Variants in MAPT observed in about 807,000 individuals in gnomAD.
MAPT encodes the protein microtubule associated protein tau, also known as microtubule-associated protein tau.
MAPT carries 34 observed loss-of-function variants against 67.9 expected under a neutral mutation model. The ratio of observed to expected loss-of-function variants is 0.50; its 90% confidence interval spans 0.38 to 0.67. The LOEUF (loss-of-function observed/expected upper bound fraction) is 0.67. Among genes scored for constraint, MAPT ranks in the 30% least tolerant of loss-of-function variants. MAPT has a pLI of 0.00. For missense variants in MAPT, 881 were observed against 1,115.2 expected (o/e 0.79, Z 2.99); for synonymous variants, 456 against 464.5 (o/e 0.98, Z 0.23).
chr17:45,949,222 C>A (rs989093851), intron 1 of MAPT, among the ~76,000 whole-genome samples: 3 of 152,350 alleles, frequency 2.0e-5, no homozygotes, highest in Admixed American at 2.0e-4. Context: ...GCGGCGGAGC[C>A]CGGGACCTTC....
chr17:45,948,211 A>G (rs985997201), intron 1 of MAPT, among the ~76,000 whole-genome samples: 2 of 151,956 alleles, frequency 1.3e-5, no homozygotes, highest in African/African-American at 4.8e-5. Context: ...TCTCAATGTT[A>G]GCCAGGCTGG....
In MAPT at chr17:45,896,978, C is replaced by T. The variant is rs1237980451; in HGVS notation, c.-18+2292C>T. The T allele has an allele frequency of 8.9e-6, 1 of 112,700 alleles. No homozygotes were observed. Among genetic ancestry groups the T allele is most frequent in the African/African-American group, 2.6e-5 (1 of 37,932 alleles). The allele number at this position is 112,700 out of a possible 1,614,324, so 7.0% of individuals were successfully genotyped here. On this transcript the variant is annotated intron_variant, in intron 1 of 12. Coordinates refer to ENST00000262410, the MANE Select transcript of MAPT (RefSeq NM_001377265.1). The surrounding 1 kb of genome is among the most constrained non-coding windows in gnomAD (Gnocchi z 5.6). ...TAGGAGCTGAATCCTCCACGCGGGT[C>T]GCCCAGGTTGATCTGAATTTCTGGG...
chr17:45,929,022 A>G (rs907050021), intron 1 of MAPT, among the ~76,000 whole-genome samples: 14 of 151,874 alleles, frequency 9.2e-5, no homozygotes, highest in African/African-American at 3.4e-4. Flanking sequence ...TTTTTAAAGC[A>G]CTGCAGAGAA....
At chr17:46,003,609 C>A (rs1215226391) in intron 9 of MAPT, among the ~76,000 whole-genome samples, 2 of 152,134 alleles carry the variant, frequency 1.3e-5, no homozygotes, top group Non-Finnish European at 2.9e-5. Flanking sequence ...ATAGCAAAGC[C>A]CCAGTTGTCA....
intron 1 of MAPT, among the ~76,000 whole-genome samples, chr17:45,956,401 C>A (rs1390642565): frequency 6.6e-6 from 1 of 152,002 alleles, no homozygotes; most frequent in African/African-American, 2.4e-5. Flanking sequence ...CCTTCAGAGG[C>A]TCTCTCCAAA....
At position 45,983,693 on chromosome 17, in the gene MAPT, GC is replaced by G. The variant is rs759382421; in HGVS notation, c.1120del (p.Leu374TrpfsTer106). ...TGTAGGGCGGGCCAAAGGGCAGGAT[GC>G]CCCCCTGGAGTTCACGTTTCACGTG... Reference protein sequence around the residue: ...PSVGRAKGQDAPLEFTFHVEI... With the variant: ...PSVGRAKGQDXPLEFTFHVEI... On this transcript the variant is annotated frameshift_variant, in exon 5 of 13. Transcript: ENST00000262410. LOFTEE classifies it high-confidence loss of function. The G allele has an allele frequency of 1.8e-5, 29 of 1,613,962 alleles. No homozygotes were observed. Among genetic ancestry groups the G allele is most frequent in the East Asian group, 1.3e-4 (6 of 44,862 alleles).
intron 11 of MAPT, among the ~76,000 whole-genome samples, chr17:46,017,772 A>G (rs1416217017): frequency 6.8e-6 from 1 of 147,512 alleles, no homozygotes; most frequent in Non-Finnish European, 1.5e-5. Context: ...AAGGGTTCTT[A>G]TTTAGTGTGC....
At position 45,941,691 on chromosome 17, in the gene MAPT, CTTCCTTCCTGCCTG is replaced by C. The variant is rs1568207702; in HGVS notation, c.-17-20629_-17-20616del. ...CCTTCCCCCCTTCCCTCCTTCCTTC[CTTCCTTCCTGCCTG>C]CCTTCCTTCCTTCCTTCCTTCCTTC... On this transcript the variant is annotated intron_variant, in intron 1 of 12. Coordinates refer to ENST00000262410, the MANE Select transcript of MAPT (RefSeq NM_001377265.1). Among the ~76,000 whole-genome samples the C allele has an allele frequency of 3.8e-4, 29 of 75,906 alleles. 2 individuals carry two copies. Among genetic ancestry groups the C allele is most frequent in the African/African-American group, 1.6e-3 (25 of 15,482 alleles). 49.8% of individuals were successfully genotyped at this position (75,906 alleles called of 152,430 possible).
chr17:45,988,090 A>C (rs1305809850), intron 6 of MAPT, among the ~76,000 whole-genome samples: 2 of 152,162 alleles, frequency 1.3e-5, no homozygotes, highest in African/African-American at 2.4e-5. Flanking sequence ...GGCCGTGTGC[A>C]GCGAGGGAAG....
intron 1 of MAPT, among the ~76,000 whole-genome samples, chr17:45,944,466 CTG>C (rs2068278814): frequency 6.6e-6 from 1 of 152,214 alleles, no homozygotes; most frequent in African/African-American, 2.4e-5. Flanking sequence ...AGTGGCCTCT[CTG>C]TGTACCCGTG....
intron 1 of MAPT, among the ~76,000 whole-genome samples, chr17:45,948,382 A>G (rs1164305935): frequency 6.6e-6 from 1 of 152,210 alleles, no homozygotes; most frequent in Non-Finnish European, 1.5e-5. Flanking sequence ...TGTGGGCTCC[A>G]GCCTTCACCT....
intron 1 of MAPT, chr17:45,907,891 A>C (rs2064439101): frequency 6.6e-6 from 1 of 152,222 alleles, no homozygotes; most frequent in Non-Finnish European, 1.5e-5. Flanking sequence ...CAGAGATTTC[A>C]CAGCTGGGGA....
intron 4 of MAPT, 21 bp from the exon 5 acceptor site, chr17:45,982,845 A>G (rs568729531): frequency 1.6e-6 from 2 of 1,250,170 alleles, no homozygotes; most frequent in South Asian, 2.7e-5. Flanking sequence ...ACCTTTTGCT[A>G]TCGCTGCCTC....
chr17:45,985,363 A>G (rs1403501388), intron 5 of MAPT, among the ~76,000 whole-genome samples: 1 of 152,194 alleles, frequency 6.6e-6, no homozygotes, highest in African/African-American at 2.4e-5. Flanking sequence ...ATCCTTTGTT[A>G]AATTCCAAAA....
Position 46,010,354 on chromosome 17 carries a change from C to T in MAPT, c.2043C>T (p.Ser681=), listed in dbSNP as rs1341757576. 1 of 1,583,294 alleles carries T rather than the reference C, an allele frequency of 6.3e-7. No individual in the cohort carries two copies. The highest frequency in any genetic ancestry group is 1.3e-5 in the African/African-American group (1 of 74,682). The part of the protein sequence containing the change: ...NKKLDLSNVQ[S]KCGSKDNIKH... ...AGCTGGATCTTAGCAACGTCCAGTC[C>T]AAGTGTGGCTCAAAGGATAATATCA... is the stretch of plus-strand genomic sequence containing the variant. Residue 681 remains serine, a synonymous_variant, in exon 10 of 13, where the codon TCC becomes TCT. Transcript: ENST00000262410. The surrounding 1 kb of genome is among the most constrained non-coding windows in gnomAD (Gnocchi z 4.7).
chr17:45,923,428 G>C (rs2065951283), intron 1 of MAPT, among the ~76,000 whole-genome samples: 1 of 152,220 alleles, frequency 6.6e-6, no homozygotes, highest in African/African-American at 2.4e-5. Context: ...CCCAGGAAGG[G>C]CACCCTGGAA....
chr17:45,980,803 A>AGG (rs914040469), intron 4 of MAPT, among the ~76,000 whole-genome samples: 8 of 152,164 alleles, frequency 5.3e-5, no homozygotes, highest in Non-Finnish European at 7.3e-5. Context: ...GGGGCAGCAT[A>AGG]GGGGCAGCCC....
chr17:45,991,862 G>T (rs1159816398), intron 8 of MAPT, among the ~76,000 whole-genome samples: 2 of 150,200 alleles, frequency 1.3e-5, no homozygotes, highest in Non-Finnish European at 2.9e-5. Context: ...TCAGCTCACT[G>T]CATCCTCCAC....
chr17:46,001,631 C>G (rs1568313381), intron 9 of MAPT, among the ~76,000 whole-genome samples: 1 of 152,228 alleles, frequency 6.6e-6, no homozygotes, highest in Non-Finnish European at 1.5e-5. Flanking sequence ...CCACTACACC[C>G]TAGCCTGGGC....
Sources: gnomAD v4.1 joint callset for allele counts (sites outside exome capture counted in the v4.1 genomes callset) on GRCh38, gnomAD v4.1.1 for gene constraint, Gnocchi (gnomAD v3.1) non-coding constraint, MANE v1.5 for transcripts, NCBI Gene and HGNC (gene_info 2026-07-23, HGNC 2026-07-21) for gene names.